KMT5C: variants seen among roughly 807,000 people sequenced by gnomAD.
The protein encoded by KMT5C is histone-lysine N-methyltransferase KMT5C.
In KMT5C, 16 loss-of-function variants were observed where a neutral mutation model predicts 38.2. The observed-to-expected ratio is 0.42, with a 90% CI of 0.28 to 0.64. The LOEUF (loss-of-function observed/expected upper bound fraction) is 0.64. KMT5C is among the 30% of genes least tolerant of loss of function. The pLI, the probability that KMT5C is intolerant of heterozygous loss-of-function variation, is 0.23. For missense variants in KMT5C, 598 were observed against 665.1 expected (o/e 0.90, Z 1.11); for synonymous variants, 291 against 279.0 (o/e 1.04, Z -0.43).
chr19:55,343,102 G>C lies in KMT5C; in HGVS notation c.386+251G>C. The C allele has an allele frequency of 2.1e-6, 1 of 480,102 alleles. No homozygotes were observed. 29.7% of individuals were successfully genotyped at this position (480,102 alleles called of 1,614,324 possible). ...AGGAAAGAACTAGGCTTCTGGTCAG[G>C]GCCGTGCTGTCCTTACCTCCTTGTG... On this transcript the variant is annotated intron_variant, in intron 4 of 8. Transcript: ENST00000255613. The surrounding 1 kb of genome is among the most constrained non-coding windows in gnomAD (Gnocchi z 5.5).
At chr19:55,346,416 C>G in intron 7 of KMT5C, 67 bp downstream of exon 7, 2 of 1,610,488 alleles carry the variant, frequency 1.2e-6, no homozygotes, top group Non-Finnish European at 1.7e-6. Context: ...AACGCACCCT[C>G]GGGACCCATC....
intron 6 of KMT5C, among the ~76,000 whole-genome samples, chr19:55,345,383 C>T (rs527539571): frequency 9.9e-4 from 151 of 152,190 alleles, no homozygotes; most frequent in Non-Finnish European, 1.9e-3. Flanking sequence ...TTTTAGGTCA[C>T]CCTGGAGGCC....
In KMT5C at chr19:55,346,943, T is replaced by TG. The variant is rs764469006; in HGVS notation, c.896-10dup. 6 of 879,952 alleles carry TG rather than the reference T, an allele frequency of 6.8e-6. 1 individual carries two copies. In the Admixed American group the frequency reaches 9.0e-5, roughly 13 times the overall value. 54.5% of individuals were successfully genotyped at this position (879,952 alleles called of 1,614,324 possible). On this transcript the variant is annotated splice_polypyrimidine_tract_variant and intron_variant, in intron 8 of 8. Transcript: ENST00000255613. The stretch of plus-strand genomic sequence containing the variant: ...CTTTGTTCCTCCTCTCCCTGCCACC[T>TG]GGGCCTTCACAGCCGCCTGCCAGCC...
In KMT5C at chr19:55,347,205, C is replaced by T; in HGVS notation, c.1145C>T (p.Ala382Val). Residue 382 changes from alanine (A) to valine (V), a missense_variant, in exon 9 of 9, where the codon GCC (alanine) becomes GTC (valine). By Grantham distance (64) the Ala-to-Val change is moderately conservative (BLOSUM62 0). Coordinates refer to ENST00000255613, the MANE Select transcript of KMT5C (RefSeq NM_032701.4). The surrounding 1 kb of genome is among the most constrained non-coding windows in gnomAD (Gnocchi z 4.6). ...ALVALGQPPHARWAPQQDWHW... is the reference protein window; with the variant it reads ...ALVALGQPPHVRWAPQQDWHW... ...GTGGCCCTGGGCCAGCCCCCCCACG[C>T]CCGCTGGGCCCCTCAGCAGGACTGG... 1.9e-6 allele frequency: 3 copies of T among 1,539,246 alleles called. No individual in the cohort carries two copies. Among genetic ancestry groups the T allele is most frequent in the South Asian group, 2.4e-5 (2 of 84,040 alleles).
chr19:55,346,114 G>A (rs2089613276), intron 6 of KMT5C, 99 bp from the exon 7 acceptor site: 5 of 1,465,038 alleles, frequency 3.4e-6, no homozygotes, highest in Admixed American at 1.9e-5. Flanking sequence ...CCCATTCCAG[G>A]AGAGGACGCT....
chr19:55,340,961 A>G (rs888225743), intron 1 of KMT5C, among the ~76,000 whole-genome samples: 1 of 150,490 alleles, frequency 6.6e-6, no homozygotes, highest in Non-Finnish European at 1.5e-5. Context: ...GCAGCCTCGC[A>G]GTCTGTCCCC....
intron 6 of KMT5C, 147 bp downstream of exon 6, chr19:55,344,144 G>T: frequency 3.8e-6 from 3 of 795,842 alleles, no homozygotes; most frequent in South Asian, 1.7e-5. Flanking sequence ...GGAGGCCGAG[G>T]TGGGCAGATC....
At chr19:55,342,164 G>C (rs1212471764) in intron 2 of KMT5C, 51 bp from the exon 3 acceptor site, 1 of 1,595,072 alleles carries the variant, frequency 6.3e-7, no homozygotes, top group Non-Finnish European at 8.6e-7. Context: ...AGTGGGGGTT[G>C]GGGCCGGGGC....
chr19:55,345,014 G>A (rs1263098268), intron 6 of KMT5C: 1 of 456,708 alleles, frequency 2.2e-6, no homozygotes, highest in Admixed American at 2.3e-5. Flanking sequence ...GACAGCGAAT[G>A]CGTGGCCCTG....
Position 55,343,705 on chromosome 19 carries a change from C to CTGGTGGGCTGCAT in KMT5C, c.415_427dup (p.Ala143GlyfsTer12), listed in dbSNP as rs1430434880. On this transcript the variant is annotated frameshift_variant, in exon 5 of 9. Transcript: ENST00000255613. LOFTEE classifies it high-confidence loss of function. The surrounding 1 kb of genome is among the most constrained non-coding windows in gnomAD (Gnocchi z 5.5). ...GAAAAAGAATGAGAAGCTGGAGCTG[C>CTGGTGGGCTGCAT]TGGTGGGCTGCATTGCAGAGCTGCG... 2 of 1,562,586 alleles carry CTGGTGGGCTGCAT rather than the reference C, an allele frequency of 1.3e-6. No homozygotes were observed. Among genetic ancestry groups the CTGGTGGGCTGCAT allele is most frequent in the Non-Finnish European group, 1.7e-6 (2 of 1,153,134 alleles).
chr19:55,342,440 G>T, intron 3 of KMT5C, 60 bp downstream of exon 3: 1 of 1,327,158 alleles, frequency 7.5e-7, no homozygotes, highest in South Asian at 1.5e-5. Context: ...ACCGGGCCTG[G>T]TCCCGCCTGG....
At position 55,342,742 on chromosome 19, in the gene KMT5C, G is replaced by A; in HGVS notation, c.277G>A (p.Val93Ile). 4 of 1,588,834 alleles carry A rather than the reference G, an allele frequency of 2.5e-6. No individual in the cohort carries two copies. Among genetic ancestry groups the A allele is most frequent in the Non-Finnish European group, 3.5e-6 (4 of 1,157,190 alleles). The change falls in exon 4 of 9, where the codon GTC becomes ATC. Residue 93 changes from valine to isoleucine, a missense_variant and splice_region_variant. Coordinates refer to ENST00000255613, the MANE Select transcript of KMT5C (RefSeq NM_032701.4). ...TCACCCCCACCCTCACCCTCACCAG[G>A]TCTATCGCTACCTCCGTGCCTTCCT... ...PRQEAALKTHVYRYLRAFLPE... is the reference protein window; with the variant it reads ...PRQEAALKTHIYRYLRAFLPE...
At position 55,340,767 on chromosome 19, in the gene KMT5C, C is replaced by T. The variant is rs574493384; in HGVS notation, c.-144+810C>T. ...CCTAGGCCATTCCCCGCTCTCTGTC[C>T]TCCCTGGCACCCCCATCCCTTCCTC... is the stretch of plus-strand genomic sequence containing the variant. On this transcript the variant is annotated intron_variant, in intron 1 of 8. Coordinates refer to ENST00000255613, the MANE Select transcript of KMT5C (RefSeq NM_032701.4). 2.6e-5 allele frequency among the ~76,000 whole-genome samples: 4 copies of T among 152,078 alleles called. No homozygotes were observed. In the South Asian group the frequency reaches 8.3e-4, roughly 32 times the overall value.
At chr19:55,342,686 A>G in intron 3 of KMT5C, 56 bp from the exon 4 acceptor site, 1 of 995,462 alleles carries the variant, frequency 1.0e-6, no homozygotes, top group Non-Finnish European at 1.6e-6. Flanking sequence ...TCCTGGAGAG[A>G]GAGGGCCAAA....
At chr19:55,341,002 G>A (rs1239354397) in intron 1 of KMT5C, among the ~76,000 whole-genome samples, 1 of 152,030 alleles carries the variant, frequency 6.6e-6, no homozygotes, top group Non-Finnish European at 1.5e-5. Context: ...TGCAGCTCCC[G>A]CTCCTTGCCC....
In KMT5C at chr19:55,343,173, A is replaced by AGCCTCT. The variant is rs2089579242; in HGVS notation, c.386+325_386+326insTCTGCC. ...TTAAACACCCCTGAGTGCAATGAGG[A>AGCCTCT]GCCCCTGCCCCTGCCCCTGCGGGGT... On this transcript the variant is annotated intron_variant, in intron 4 of 8. Coordinates refer to ENST00000255613, the MANE Select transcript of KMT5C (RefSeq NM_032701.4). This position sits in a 1 kb window ranked among gnomAD's most constrained non-coding sequence, Gnocchi z 5.5. 1 of 260,008 alleles carries AGCCTCT rather than the reference A, an allele frequency of 3.8e-6. No homozygotes were observed. Among genetic ancestry groups the AGCCTCT allele is most frequent in the Admixed American group, 4.8e-5 (1 of 20,848 alleles). The allele number at this position is 260,008 out of a possible 1,614,324, so 16.1% of individuals were successfully genotyped here.
intron 1 of KMT5C, chr19:55,341,543 ATG>A (rs1491195060): frequency 4.1e-5 from 8 of 194,148 alleles, no homozygotes; most frequent in Non-Finnish European, 6.4e-5. Context: ...GCCCAAAGAG[ATG>A]TGTGTGTGTA....
At position 55,342,345 on chromosome 19, in the gene KMT5C, CG is replaced by C; in HGVS notation, c.245del (p.Gly82AlafsTer72). Reference protein sequence around the residue: ...GGWTARYFQSRGPRQEAALKT... With the variant: ...GGWTARYFQSXGPRQEAALKT... ...CTGGACGGCCCGCTACTTCCAGAGC[CG>C]GGGCCCGCGGCAGGAGGCTGCCCTC... is the stretch of plus-strand genomic sequence containing the variant. On this transcript the variant is annotated frameshift_variant, in exon 3 of 9. Transcript: ENST00000255613. LOFTEE classifies it high-confidence loss of function. 7 of 1,548,060 alleles carry C rather than the reference CG, an allele frequency of 4.5e-6. No individual in the cohort carries two copies. The highest frequency in any genetic ancestry group is 6.1e-6 in the Non-Finnish European group (7 of 1,147,344).
Position 55,347,521 on chromosome 19 carries a change from AG to A in KMT5C, c.*73del. On this transcript the variant is annotated 3_prime_UTR_variant, in exon 9 of 9. Coordinates refer to ENST00000255613, the MANE Select transcript of KMT5C (RefSeq NM_032701.4). The surrounding 1 kb of genome is among the most constrained non-coding windows in gnomAD (Gnocchi z 4.6). The stretch of plus-strand genomic sequence containing the variant: ...GCTGCTACCCAGGACCTCCAGAAGG[AG>A]CCCTTGGACCTCTGGGAGGGAGCTG... The A allele has an allele frequency of 6.8e-7, 1 of 1,472,542 alleles. No individual in the cohort carries two copies. 91.2% of individuals were successfully genotyped at this position (1,472,542 alleles called of 1,614,324 possible).
Sources: gnomAD v4.1 joint callset for allele counts (sites outside exome capture counted in the v4.1 genomes callset) on GRCh38, gnomAD v4.1.1 for gene constraint, Gnocchi (gnomAD v3.1) non-coding constraint, MANE v1.5 for transcripts, NCBI Gene and HGNC (gene_info 2026-07-23, HGNC 2026-07-21) for gene names.